The following GLRA3 variants were observed in gnomAD, a reference collection of about 807,000 sequenced individuals.
GLRA3 encodes the protein glycine receptor subunit alpha-3.
In GLRA3, 44 loss-of-function variants were observed where a neutral mutation model predicts 60.4. The observed-to-expected ratio is 0.73, with a 90% confidence interval of 0.57 to 0.94. The LOEUF (loss-of-function observed/expected upper bound fraction) is 0.94, where lower values mean the gene tolerates loss of function less well. GLRA3 is among the 40% of genes least tolerant of loss of function. The pLI is 0.00. For synonymous variants in GLRA3, 223 were observed against 192.9 expected, an observed-to-expected ratio of 1.16 and a Z score of -1.29; for missense variants, 508 against 564.6, an observed-to-expected ratio of 0.90 and a Z score of 1.02.
intron 3 of GLRA3, among the ~76,000 whole-genome samples, chr4:174,745,787 T>C (rs572573827): frequency 1.5e-5 from 2 of 136,314 alleles, no homozygotes; most frequent in East Asian, 2.1e-4. Context: ...AACAACTCAA[T>C]AGGAAAAAAA....
At chr4:174,783,316 A>G (rs1300822165) in intron 2 of GLRA3, among the ~76,000 whole-genome samples, 1 of 138,958 alleles carries the variant, frequency 7.2e-6, no homozygotes, top group East Asian at 2.0e-4. Flanking sequence ...ACAAAAATCA[A>G]TTCAGGATGG....
In GLRA3 at chr4:174,735,040, C is replaced by T. The variant is rs139971552; in HGVS notation, c.268-6342G>A. Among the ~76,000 whole-genome samples the T allele has an allele frequency of 3.0e-4, 46 of 152,270 alleles. No individual in the cohort carries two copies. The East Asian group carries it at 8.7e-3, about 29-fold the overall frequency. On this transcript the variant is annotated intron_variant, in intron 3 of 9. Transcript: ENST00000274093. ...ATTGCAAGGTAACAAATTAATCTCC[C>T]GCTAAGGTGCTGCACAGCTGTGCTC... is the stretch of plus-strand genomic sequence containing the variant.
intron 5 of GLRA3, among the ~76,000 whole-genome samples, chr4:174,706,284 T>C (rs1434902116): frequency 1.3e-5 from 2 of 151,792 alleles, no homozygotes; most frequent in Non-Finnish European, 2.9e-5. Flanking sequence ...AATGATCCGA[T>C]GGGTCAAGCT....
At chr4:174,781,854 A>G (rs1738888125) in intron 2 of GLRA3, among the ~76,000 whole-genome samples, 1 of 152,210 alleles carries the variant, frequency 6.6e-6, no homozygotes, top group South Asian at 2.1e-4. Context: ...GTCCAGGACC[A>G]AAAATGGATT....
rs1732569895 is a variant in GLRA3, at chr4:174,639,259, A to G, written c.*4527T>C. On this transcript the variant is annotated 3_prime_UTR_variant, in exon 10 of 10. Transcript: ENST00000274093. ...GACTGCATGGTTCATATTTTCCACC[A>G]GGAATCACTTAATATTGCAAAACAT... 6.6e-6 allele frequency: 1 copy of G among 152,170 alleles called. No homozygotes were observed. Among genetic ancestry groups the G allele is most frequent in the African/African-American group, 2.4e-5 (1 of 41,460 alleles). The allele number at this position is 152,170 out of a possible 1,614,324, so 9.4% of individuals were successfully genotyped here.
intron 1 of GLRA3, among the ~76,000 whole-genome samples, chr4:174,817,188 C>A (rs73868098): frequency 0.033 from 5,023 of 152,250 alleles, 292 homozygotes; most frequent in African/African-American, 0.11. Flanking sequence ...AGGAAAACTG[C>A]AAAATCTTTA....
chr4:174,758,820 C>T (rs952054666), intron 3 of GLRA3, among the ~76,000 whole-genome samples: 1 of 152,014 alleles, frequency 6.6e-6, no homozygotes. Flanking sequence ...ATAACATGTA[C>T]AAGCATGCAT....
intron 1 of GLRA3, among the ~76,000 whole-genome samples, chr4:174,800,901 T>C (rs1054428359): frequency 2.0e-5 from 3 of 149,774 alleles, no homozygotes; most frequent in African/African-American, 4.9e-5. Context: ...CTTAAAATAA[T>C]ACAGATTACA....
intron 2 of GLRA3, among the ~76,000 whole-genome samples, chr4:174,778,881 G>A (rs1027143334): frequency 1.2e-4 from 19 of 152,282 alleles, no homozygotes; most frequent in African/African-American, 1.7e-4. Flanking sequence ...CAAGGCGGCA[G>A]TGAGGCTGGG....
chr4:174,746,726 A>C (rs752791353), intron 3 of GLRA3, among the ~76,000 whole-genome samples: 1 of 152,200 alleles, frequency 6.6e-6, no homozygotes, highest in African/African-American at 2.4e-5. Context: ...TTCTGATACC[A>C]ATACATAAAA....
chr4:174,713,321 A>G (rs552256238), intron 5 of GLRA3, among the ~76,000 whole-genome samples: 7 of 152,238 alleles, frequency 4.6e-5, no homozygotes, highest in African/African-American at 1.7e-4. Flanking sequence ...AGGTCTTACT[A>G]TGTCAGCTTT....
intron 3 of GLRA3, among the ~76,000 whole-genome samples, chr4:174,749,639 T>C (rs1256680991): frequency 9.2e-5 from 14 of 152,010 alleles, no homozygotes; most frequent in Admixed American, 8.5e-4. Flanking sequence ...CTGCTTCTGA[T>C]TGCATTGGGG....
chr4:174,737,782 G>C (rs370612363), intron 3 of GLRA3, among the ~76,000 whole-genome samples: 1 of 152,198 alleles, frequency 6.6e-6, no homozygotes, highest in East Asian at 1.9e-4. Context: ...AAAGTGCTGG[G>C]ATTACAGGCG....
chr4:174,715,646 G>T, intron 4 of GLRA3, 76 bp from the exon 5 acceptor site: 1 of 678,596 alleles, frequency 1.5e-6, no homozygotes, highest in Non-Finnish European at 2.6e-6. Context: ...GAGAAACAAT[G>T]TTGCTTTGCT....
intron 2 of GLRA3, among the ~76,000 whole-genome samples, chr4:174,782,062 T>C (rs1348451016): frequency 3.4e-5 from 5 of 147,398 alleles, no homozygotes; most frequent in Non-Finnish European, 7.5e-5. Context: ...GATGCAAAAA[T>C]CCTCAATAAA....
At position 174,641,038 on chromosome 4, in the gene GLRA3, G is replaced by A. The variant is rs552165244; in HGVS notation, c.*2748C>T. 6.6e-6 allele frequency: 1 copy of A among 151,972 alleles called. No individual in the cohort carries two copies. The highest frequency in any genetic ancestry group is 2.4e-5 in the African/African-American group (1 of 41,400). 9.4% of individuals were successfully genotyped at this position (151,972 alleles called of 1,614,324 possible). A position where few individuals can be genotyped will look rare whatever the true frequency, so the allele number is the denominator to read the frequency against. On this transcript the variant is annotated 3_prime_UTR_variant, in exon 10 of 10. Transcript: ENST00000274093. ...GGTTGGGAAAGAAAGAAAAGGTTGG[G>A]CACATATATGCTAATGTATAAGATA...
intron 2 of GLRA3, among the ~76,000 whole-genome samples, chr4:174,788,590 T>TAAAAAAAAAAAAAAAAAAAAAAAAAA (rs35640897): frequency 1.1e-5 from 1 of 87,876 alleles, no homozygotes; most frequent in Admixed American, 1.4e-4. Context: ...GTTAGAGAAG[T>TAAAAAAAAAAAAAAAAAAAAAAAAAA]AAAAAAAAAA....
At chr4:174,703,104 A>G (rs937104190) in intron 5 of GLRA3, among the ~76,000 whole-genome samples, 2 of 152,200 alleles carry the variant, frequency 1.3e-5, no homozygotes, top group African/African-American at 4.8e-5. Context: ...GGGGACTATA[A>G]GTGGGCTATG....
intron 8 of GLRA3, among the ~76,000 whole-genome samples, chr4:174,658,149 T>C (rs1165300926): frequency 1.3e-5 from 2 of 152,186 alleles, no homozygotes; most frequent in African/African-American, 2.4e-5. Context: ...ACTGTTACCA[T>C]TAAGGTTTAT....
Sources: gnomAD v4.1 joint callset for allele counts (sites outside exome capture counted in the v4.1 genomes callset) on GRCh38, gnomAD v4.1.1 for gene constraint, MANE v1.5 for transcripts, NCBI Gene and HGNC (gene_info 2026-07-23, HGNC 2026-07-21) for gene names.